The following TBC1D32 variants were observed in gnomAD, a reference collection of about 807,000 sequenced individuals.
TBC1D32 encodes the protein TBC1 domain family member 32, also known as protein broad-minded.
Under a neutral mutation model 170.3 loss-of-function variants are expected in TBC1D32, and 151 were observed. The observed-to-expected ratio is 0.89, with a 90% CI of 0.78 to 1.01. TBC1D32 has a LOEUF of 1.01. Among genes scored for constraint, TBC1D32 ranks in the 50% least tolerant of loss-of-function variants. The pLI is 0.00. For synonymous variants in TBC1D32, 498 were observed against 488.0 expected (o/e 1.02, Z -0.27); for missense variants, 1,464 against 1,457.1 (o/e 1.00, Z -0.08).
At chr6:121,090,610 T>C (rs1264627181) in intron 31 of TBC1D32, among the ~76,000 whole-genome samples, 1 of 152,178 alleles carries the variant, frequency 6.6e-6, no homozygotes, top group Non-Finnish European at 1.5e-5. Context: ...GCATAGCATG[T>C]GGGTTACAAA....
intron 24 of TBC1D32, among the ~76,000 whole-genome samples, chr6:121,136,882 G>T (rs1279642356): frequency 1.3e-5 from 2 of 152,024 alleles, no homozygotes; most frequent in African/African-American, 2.4e-5. Context: ...TTAAGTGATT[G>T]AAATTAAGCA....
intron 22 of TBC1D32, among the ~76,000 whole-genome samples, chr6:121,185,496 G>A (rs1466791603): frequency 6.6e-6 from 1 of 152,110 alleles, no homozygotes; most frequent in African/African-American, 2.4e-5. Flanking sequence ...GGAAATATCT[G>A]TGAGTTGAAC....
intron 31 of TBC1D32, among the ~76,000 whole-genome samples, chr6:121,082,120 G>A (rs1002453956): frequency 2.0e-5 from 3 of 151,736 alleles, no homozygotes; most frequent in South Asian, 2.1e-4. Flanking sequence ...CTTATTATAC[G>A]TAAGGTTCTT....
chr6:121,221,717 T>A (rs1048284257), intron 21 of TBC1D32, among the ~76,000 whole-genome samples: 2 of 152,218 alleles, frequency 1.3e-5, no homozygotes, highest in Admixed American at 6.5e-5. Flanking sequence ...AAGATGTGAC[T>A]GAATTGCTGC....
At chr6:121,180,063 T>C (rs1788308912) in intron 22 of TBC1D32, among the ~76,000 whole-genome samples, 1 of 152,092 alleles carries the variant, frequency 6.6e-6, no homozygotes. Context: ...CATAGAAAAC[T>C]ACAAAATTTT....
At chr6:121,220,645 T>G (rs1159073344) in intron 21 of TBC1D32, among the ~76,000 whole-genome samples, 1 of 148,790 alleles carries the variant, frequency 6.7e-6, no homozygotes, top group Non-Finnish European at 1.5e-5. Context: ...TTTTTCTTTT[T>G]TTTTTTTTTT....
At chr6:121,324,611 C>T (rs1284663577) in intron 1 of TBC1D32, among the ~76,000 whole-genome samples, 1 of 152,150 alleles carries the variant, frequency 6.6e-6, no homozygotes, top group Admixed American at 6.5e-5. Context: ...TGTAAATAGT[C>T]TGTGCTTCTT....
At chr6:121,263,352 A>G (rs1030935836) in intron 15 of TBC1D32, among the ~76,000 whole-genome samples, 1 of 152,210 alleles carries the variant, frequency 6.6e-6, no homozygotes, top group Non-Finnish European at 1.5e-5. Flanking sequence ...GAAGGCCATT[A>G]CATAATGGTA....
chr6:121,213,466 T>TAATAAAATAA (rs1554271835), intron 21 of TBC1D32, among the ~76,000 whole-genome samples: 144 of 24,752 alleles, frequency 5.8e-3, no homozygotes, highest in African/African-American at 0.01. Flanking sequence ...ACAAAAATAA[T>TAATAAAATAA]AATAAAATAA....
At chr6:121,194,023 G>A (rs1357111700) in intron 22 of TBC1D32, among the ~76,000 whole-genome samples, 1 of 152,072 alleles carries the variant, frequency 6.6e-6, no homozygotes, top group African/African-American at 2.4e-5. Flanking sequence ...TGTGAATTGG[G>A]GAAAGGAAAA....
At chr6:121,084,646 G>C (rs1266659397) in intron 31 of TBC1D32, among the ~76,000 whole-genome samples, 2 of 152,082 alleles carry the variant, frequency 1.3e-5, no homozygotes, top group Non-Finnish European at 2.9e-5. Context: ...ACCTTGAAAA[G>C]TTATTTGTAT....
intron 24 of TBC1D32, among the ~76,000 whole-genome samples, chr6:121,136,028 C>T (rs553592255): frequency 2.0e-5 from 3 of 151,988 alleles, no homozygotes; most frequent in Non-Finnish European, 4.4e-5. Flanking sequence ...TAATGCCCCC[C>T]AAAACTCCCC....
chr6:121,266,240 C>A (rs776801197), intron 15 of TBC1D32, among the ~76,000 whole-genome samples: 11 of 152,008 alleles, frequency 7.2e-5, no homozygotes, highest in Non-Finnish European at 1.3e-4. Context: ...AAATAAGCAA[C>A]CCCATCAAAA....
At chr6:121,103,525 A>G (rs1015976199) in intron 30 of TBC1D32, among the ~76,000 whole-genome samples, 1 of 142,632 alleles carries the variant, frequency 7.0e-6, no homozygotes, top group African/African-American at 2.6e-5. Context: ...ATAGGTGGGA[A>G]TTGAACAACG....
intron 22 of TBC1D32, chr6:121,170,415 C>A: frequency 6.2e-7 from 1 of 1,600,774 alleles, no homozygotes; most frequent in Non-Finnish European, 8.5e-7. Context: ...CTGTGGCTCT[C>A]AGAAATCTCC....
chr6:121,100,801 GTTT>G (rs551399591), intron 30 of TBC1D32, among the ~76,000 whole-genome samples: 2 of 151,932 alleles, frequency 1.3e-5, no homozygotes, highest in South Asian at 4.1e-4. Context: ...TCCAGGAGCT[GTTT>G]TTTTGAAAAG....
intron 21 of TBC1D32, among the ~76,000 whole-genome samples, chr6:121,212,273 C>A (rs757772142): frequency 3.9e-5 from 6 of 152,064 alleles, no homozygotes; most frequent in Non-Finnish European, 7.4e-5. Context: ...GGTGGATTCA[C>A]AGCTGAATTC....
intron 22 of TBC1D32, among the ~76,000 whole-genome samples, chr6:121,194,184 T>C (rs1454002327): frequency 6.6e-6 from 1 of 152,118 alleles, no homozygotes; most frequent in East Asian, 1.9e-4. Context: ...ACTTACAGTG[T>C]GTCCAGTTGG....
At chr6:121,308,180 C>T in intron 4 of TBC1D32, 79 bp from the exon 5 acceptor site, 2 of 1,357,438 alleles carry the variant, frequency 1.5e-6, no homozygotes, top group East Asian at 2.4e-5. Context: ...ATTTAACAAA[C>T]TACTAAAAGG....
Sources: gnomAD v4.1 joint callset for allele counts (sites outside exome capture counted in the v4.1 genomes callset) on GRCh38, gnomAD v4.1.1 for gene constraint, MANE v1.5 for transcripts, NCBI Gene and HGNC (gene_info 2026-07-23, HGNC 2026-07-21) for gene names.